Variants in RCHY1 observed in about 807,000 individuals in gnomAD.
RCHY1 encodes the protein ring finger and CHY zinc finger domain containing 1.
Under a neutral mutation model 41.6 loss-of-function variants are expected in RCHY1, and 21 were observed. That is an observed-to-expected ratio of 0.51 (90% CI 0.36 to 0.73). RCHY1 has a LOEUF of 0.73. RCHY1 is among the 30% of genes least tolerant of loss of function. RCHY1 has a pLI of 0.00. For synonymous variants in RCHY1, 79 were observed against 102.9 expected (o/e 0.77, Z 1.41); for missense variants, 265 against 325.3 (o/e 0.81, Z 1.43).
At chr4:75,498,968 G>C (rs1723484874) in intron 3 of RCHY1, among the ~76,000 whole-genome samples, 1 of 152,088 alleles carries the variant, frequency 6.6e-6, no homozygotes, top group Non-Finnish European at 1.5e-5. Context: ...CTTCTGCACA[G>C]CACAGGGAAA....
At chr4:75,512,539 T>C (rs1459781424) in intron 1 of RCHY1, among the ~76,000 whole-genome samples, 4 of 152,166 alleles carry the variant, frequency 2.6e-5, no homozygotes, top group African/African-American at 9.7e-5. Context: ...TCCTGCATTA[T>C]AAAACGTTCT....
chr4:75,490,887 C>G, intron 7 of RCHY1, 186 bp from the exon 8 acceptor site: 1 of 455,318 alleles, frequency 2.2e-6, no homozygotes, highest in Non-Finnish European at 3.9e-6. Flanking sequence ...TTCCTGTATA[C>G]TTATTTAAAA....
chr4:75,490,540 A>G lies in RCHY1; in HGVS notation c.657+41T>C, dbSNP rs772935631. On this transcript the variant is annotated intron_variant, in intron 8 of 8. Coordinates refer to ENST00000324439, the MANE Select transcript of RCHY1 (RefSeq NM_015436.4). ...GCAGGAGGGCAAAAATAAGAGTGCC[A>G]ACAAGGAGTCTACAAAGTTTTAAGT... 5.1e-6 allele frequency: 8 copies of G among 1,569,112 alleles called. No individual in the cohort carries two copies. The East Asian group carries it at 1.4e-4, about 27-fold the overall frequency.
chr4:75,510,348 A>C (rs1724745481), intron 1 of RCHY1, among the ~76,000 whole-genome samples: 1 of 152,202 alleles, frequency 6.6e-6, no homozygotes, highest in Admixed American at 6.5e-5. Context: ...TTTACTCTTT[A>C]ATCTACATCA....
chr4:75,483,286 T>C (rs1380295964), intron 8 of RCHY1, among the ~76,000 whole-genome samples: 3 of 152,158 alleles, frequency 2.0e-5, no homozygotes, highest in Admixed American at 6.5e-5. Flanking sequence ...TGAAAATCAA[T>C]ACATTACTAT....
At chr4:75,496,133 T>C (rs1012273467) in intron 3 of RCHY1, among the ~76,000 whole-genome samples, 16 of 152,028 alleles carry the variant, frequency 1.1e-4, no homozygotes, top group African/African-American at 3.9e-4. Flanking sequence ...CTGCCAAAGA[T>C]AGAATAACGG....
chr4:75,506,130 CAA>C (rs547669760), intron 3 of RCHY1, among the ~76,000 whole-genome samples: 3 of 82,638 alleles, frequency 3.6e-5, no homozygotes, highest in Non-Finnish European at 5.1e-5. Context: ...ACAGGACATA[CAA>C]AAAAAAAAAA....
At position 75,480,737 on chromosome 4, in the gene RCHY1, G is replaced by C. The variant is rs1721460532; in HGVS notation, c.*1801C>G. 6.6e-6 allele frequency: 1 copy of C among 152,218 alleles called. No individual in the cohort carries two copies. Among genetic ancestry groups the C allele is most frequent in the African/African-American group, 2.4e-5 (1 of 41,428 alleles). The allele number at this position is 152,218 out of a possible 1,614,324, so 9.4% of individuals were successfully genotyped here. On this transcript the variant is annotated 3_prime_UTR_variant, in exon 9 of 9. Transcript: ENST00000324439. ...TAATACATCTGGACCAAGCACAGTG[G>C]CTCATGCCTGTAATCCTAGCCCTTG... is the stretch of plus-strand genomic sequence containing the variant.
chr4:75,485,654 C>G (rs777672866), intron 8 of RCHY1, among the ~76,000 whole-genome samples: 11 of 152,112 alleles, frequency 7.2e-5, no homozygotes, highest in Non-Finnish European at 1.5e-4. Context: ...TAAGAATTGG[C>G]CCTTTAGAAA....
intron 3 of RCHY1, among the ~76,000 whole-genome samples, chr4:75,495,388 C>G (rs538351212): frequency 2.0e-5 from 3 of 152,024 alleles, no homozygotes; most frequent in Admixed American, 2.0e-4. Context: ...CTACTTGTCC[C>G]TAAATTTCTA....
upstream of RCHY1, chr4:75,514,476 C>G: frequency 1.8e-6 from 1 of 564,664 alleles, no homozygotes; most frequent in East Asian, 2.9e-5. Flanking sequence ...CGAAGGCAGA[C>G]GCAGTCTCCG....
Position 75,491,629 on chromosome 4 carries a change from T to G in RCHY1, c.518A>C (p.Tyr173Ser). ...PCGHLLHRTC[Y>S]EEMLKEGYRC... Reference sequence around the variant, plus strand: ...CACTCACTCTTTCAACATTTCTTCATAACACGTTCTGAAAGAAAATATAAG... The same window carrying G: ...CACTCACTCTTTCAACATTTCTTCAGAACACGTTCTGAAAGAAAATATAAG... The change falls in exon 7 of 9, where the codon TAT (tyrosine) becomes TCT (serine). Residue 173 changes from tyrosine (Y) to serine (S), a missense_variant. Coordinates refer to ENST00000324439, the MANE Select transcript of RCHY1 (RefSeq NM_015436.4). 6.3e-7 allele frequency: 1 copy of G among 1,599,302 alleles called. No homozygotes were observed. The highest frequency in any genetic ancestry group is 1.1e-5 in the South Asian group (1 of 90,304).
chr4:75,487,838 T>C (rs1287933145), intron 8 of RCHY1, among the ~76,000 whole-genome samples: 1 of 101,104 alleles, frequency 9.9e-6, no homozygotes, highest in East Asian at 2.8e-4. Context: ...TATATATTCA[T>C]AATATATATT....
At chr4:75,483,905 T>TGAGTAGA (rs1403503398) in intron 8 of RCHY1, among the ~76,000 whole-genome samples, 1 of 152,102 alleles carries the variant, frequency 6.6e-6, no homozygotes, top group African/African-American at 2.4e-5. Context: ...CTCAATACCA[T>TGAGTAGA]GTATGGCTGA....
intron 3 of RCHY1, among the ~76,000 whole-genome samples, chr4:75,502,587 C>G (rs187297184): frequency 1.3e-3 from 198 of 152,178 alleles, no homozygotes; most frequent in Non-Finnish European, 2.3e-3. Flanking sequence ...TCTACTTTTT[C>G]TTTAATAGAA....
chr4:75,500,081 C>T (rs932367522), intron 3 of RCHY1, among the ~76,000 whole-genome samples: 4 of 152,098 alleles, frequency 2.6e-5, no homozygotes, highest in African/African-American at 9.7e-5. Context: ...GTCAAGGCTG[C>T]AGTGAGTCAT....
In RCHY1 at chr4:75,509,178, T is replaced by C. The variant is rs1249005454; in HGVS notation, c.209A>G (p.His70Arg). 8 of 1,608,912 alleles carry C rather than the reference T, an allele frequency of 5.0e-6. No homozygotes were observed. In the East Asian group the frequency reaches 1.6e-4, roughly 31 times the overall value. The change falls in exon 2 of 9, where the codon CAT (histidine) becomes CGT (arginine). Residue 70 changes from histidine to arginine, a missense_variant and splice_region_variant. Transcript: ENST00000324439. ...VQCINCEKIQHAQQTCEECST... is the reference protein window; with the variant it reads ...VQCINCEKIQRAQQTCEECST... ...AATAGAAATGTCATAAAATCTTACA[T>C]GTTGAATTTTTTCACAGTTTATGCA...
At position 75,491,967 on chromosome 4, in the gene RCHY1, T is replaced by G. The variant is rs772033826; in HGVS notation, c.406-34A>C. On this transcript the variant is annotated intron_variant, in intron 4 of 8. Transcript: ENST00000324439. ...AAGAGAAATTCACATTAACAAAAGC[T>G]TAACTAGATTAAAATGTCAGGTATA... The G allele has an allele frequency of 2.6e-5, 39 of 1,482,108 alleles. 1 individual carries two copies. The South Asian group carries it at 4.9e-4, about 18-fold the overall frequency. The allele number at this position is 1,482,108 out of a possible 1,614,324, so 91.8% of individuals were successfully genotyped here.
At chr4:75,504,722 A>T (rs57675155) in intron 3 of RCHY1, among the ~76,000 whole-genome samples, 3,877 of 152,262 alleles carry the variant, frequency 0.025, 174 homozygotes, top group African/African-American at 0.088. Flanking sequence ...TTGAGCACAC[A>T]TTATCTTCAA....
Sources: gnomAD v4.1 joint callset for allele counts (sites outside exome capture counted in the v4.1 genomes callset) on GRCh38, gnomAD v4.1.1 for gene constraint, MANE v1.5 for transcripts, NCBI Gene and HGNC (gene_info 2026-07-23, HGNC 2026-07-21) for gene names.